RAD51B: variants seen among roughly 807,000 people sequenced by gnomAD.
RAD51B encodes the protein RAD51 paralog B.
In RAD51B, 38 loss-of-function variants were observed where a neutral mutation model predicts 42.2. The observed-to-expected ratio is 0.90, with a 90% CI of 0.70 to 1.18. RAD51B has a LOEUF of 1.18. RAD51B is among the 50% of genes most tolerant of loss of function. The pLI is 0.00. For missense variants in RAD51B, 373 were observed against 400.7 expected (o/e 0.93, Z 0.59); for synonymous variants, 154 against 145.2 (o/e 1.06, Z -0.43).
intron 8 of RAD51B, among the ~76,000 whole-genome samples, chr14:68,330,576 G>A (rs1259906063): frequency 6.6e-6 from 1 of 152,132 alleles, no homozygotes; most frequent in Non-Finnish European, 1.5e-5. Context: ...AAGGTAAGAT[G>A]AGGAAACACT....
rs1028854997 is a variant in RAD51B at position 68,324,520 on chromosome 14, C to T, written c.853+32540C>T. ...AGGACTGGCCGGGGCTCAGTCTGCACGTGCTCTGGCTTTCAAGTGGCATCT... is the reference window on the plus strand; with the variant it reads ...AGGACTGGCCGGGGCTCAGTCTGCATGTGCTCTGGCTTTCAAGTGGCATCT... On this transcript the variant is annotated intron_variant, in intron 8 of 10. Coordinates refer to ENST00000471583, the MANE Select transcript of RAD51B (RefSeq NM_133510.4). Among the ~76,000 whole-genome samples, 5 of 152,210 alleles carry T rather than the reference C, an allele frequency of 3.3e-5. No homozygotes were observed. In the East Asian group the frequency reaches 5.8e-4, roughly 18 times the overall value.
At chr14:68,568,299 G>A (rs1687880325) in intron 10 of RAD51B, among the ~76,000 whole-genome samples, 1 of 152,252 alleles carries the variant, frequency 6.6e-6, no homozygotes, top group Non-Finnish European at 1.5e-5. Context: ...TGCCAGGTAG[G>A]TGAGTGGGTG....
intron 7 of RAD51B, among the ~76,000 whole-genome samples, chr14:68,277,772 T>C (rs1292998983): frequency 6.6e-6 from 1 of 152,162 alleles, no homozygotes. Flanking sequence ...AGAGTCTCGC[T>C]TTGTCATCCA....
At chr14:68,292,361 A>G (rs1382895726) in intron 8 of RAD51B, among the ~76,000 whole-genome samples, 2 of 152,322 alleles carry the variant, frequency 1.3e-5, no homozygotes, top group African/African-American at 4.8e-5. Context: ...TAAAAAGCGT[A>G]CATCAGTTTC....
At chr14:68,077,046 T>C (rs1479859198) in intron 7 of RAD51B, among the ~76,000 whole-genome samples, 1 of 152,184 alleles carries the variant, frequency 6.6e-6, no homozygotes, top group Non-Finnish European at 1.5e-5. Flanking sequence ...CTACCCTTGA[T>C]TCAATCATCT....
In RAD51B at chr14:68,245,176, TA is replaced by T. The variant is rs368787259; in HGVS notation, c.757-46706del. Among the ~76,000 whole-genome samples, 707 of 152,300 alleles carry T rather than the reference TA, an allele frequency of 4.6e-3. 4 individuals carry two copies. The highest frequency in any genetic ancestry group is 0.016 in the African/African-American group (671 of 41,558). On this transcript the variant is annotated intron_variant, in intron 7 of 10. Transcript: ENST00000471583. ...GAGGAGGCCCAGCCAGGGTGGGGTC[TA>T]ACAAATTGGGGTGGGTATAAATTTA...
chr14:67,833,218 A>G (rs2041115385), intron 3 of RAD51B, among the ~76,000 whole-genome samples: 1 of 152,144 alleles, frequency 6.6e-6, no homozygotes, highest in African/African-American at 2.4e-5. Context: ...TCTACTAAAA[A>G]TACAAAAATT....
intron 7 of RAD51B, among the ~76,000 whole-genome samples, chr14:68,034,997 C>A (rs72725170): frequency 0.17 from 26,352 of 152,004 alleles, 2,457 homozygotes; most frequent in Middle Eastern, 0.35. Context: ...TAAATATATA[C>A]CAGATGTGTA....
intron 7 of RAD51B, among the ~76,000 whole-genome samples, chr14:68,192,399 A>G (rs1392283735): frequency 1.3e-5 from 2 of 152,212 alleles, no homozygotes; most frequent in Admixed American, 6.5e-5. Context: ...ATTAAATAGT[A>G]TATGTTGGCT....
chr14:67,887,012 C>T lies in RAD51B; in HGVS notation c.573-9C>T. ...TTTATTGACTATTTTATAAATTCTT[C>T]TTTTATAGGATTGAATCTTTGGAAG... On this transcript the variant is annotated splice_polypyrimidine_tract_variant and intron_variant, in intron 6 of 10. Coordinates refer to ENST00000471583, the MANE Select transcript of RAD51B (RefSeq NM_133510.4). The T allele has an allele frequency of 7.0e-6, 10 of 1,426,784 alleles. No individual in the cohort carries two copies. The highest frequency in any genetic ancestry group is 2.8e-5 in the South Asian group (2 of 72,606). The allele number at this position is 1,426,784 out of a possible 1,614,324, so 88.4% of individuals were successfully genotyped here.
At position 67,986,191 on chromosome 14, in the gene RAD51B, C is replaced by T. The variant is rs1028563877; in HGVS notation, c.756+98987C>T. ...TTGGTAATTTTTATTCCCCACACTT[C>T]TATGCACGTATGATACTTAGCCTAT... On this transcript the variant is annotated intron_variant, in intron 7 of 10. Coordinates refer to ENST00000471583, the MANE Select transcript of RAD51B (RefSeq NM_133510.4). Among the ~76,000 whole-genome samples, 24 of 152,212 alleles carry T rather than the reference C, an allele frequency of 1.6e-4. 1 individual carries two copies. The highest frequency in any genetic ancestry group is 5.1e-4 in the African/African-American group (21 of 41,450).
chr14:68,225,678 A>G (rs1338502516), intron 7 of RAD51B, among the ~76,000 whole-genome samples: 4 of 152,228 alleles, frequency 2.6e-5, no homozygotes, highest in Non-Finnish European at 5.9e-5. Flanking sequence ...TTGGGAAAGA[A>G]CTATGAAGGA....
chr14:68,003,082 A>C (rs1440782694), intron 7 of RAD51B, among the ~76,000 whole-genome samples: 3 of 152,156 alleles, frequency 2.0e-5, no homozygotes, highest in African/African-American at 7.2e-5. Flanking sequence ...ATGGTAGTTT[A>C]ACGGGAACAG....
At chr14:68,434,676 G>A (rs911213953) in intron 9 of RAD51B, among the ~76,000 whole-genome samples, 1 of 152,162 alleles carries the variant, frequency 6.6e-6, no homozygotes, top group South Asian at 2.1e-4. Context: ...AGAATTCCCT[G>A]ACCCCTTGCA....
At chr14:67,838,342 C>T (rs1472306773) in intron 4 of RAD51B, among the ~76,000 whole-genome samples, 14 of 151,814 alleles carry the variant, frequency 9.2e-5, no homozygotes, top group Non-Finnish European at 1.5e-5. Context: ...GCTAGCAAAA[C>T]GATAAAGTAA....
At chr14:68,097,751 G>T (rs1325659021) in intron 7 of RAD51B, among the ~76,000 whole-genome samples, 1 of 152,130 alleles carries the variant, frequency 6.6e-6, no homozygotes, top group African/African-American at 2.4e-5. Flanking sequence ...TCTAATTCAT[G>T]TTCTACAAAG....
At chr14:68,292,462 C>G (rs745534340) in intron 8 of RAD51B, among the ~76,000 whole-genome samples, 1 of 152,184 alleles carries the variant, frequency 6.6e-6, no homozygotes, top group Non-Finnish European at 1.5e-5. Flanking sequence ...TTTCTCCACC[C>G]TCCCCTGCTA....
intron 7 of RAD51B, among the ~76,000 whole-genome samples, chr14:68,091,701 A>C (rs1179127943): frequency 6.6e-6 from 1 of 152,112 alleles, no homozygotes; most frequent in Non-Finnish European, 1.5e-5. Context: ...TCTTTAGTTT[A>C]ATTAGATCCC....
rs541724777 is a variant in RAD51B at position 68,339,229 on chromosome 14, T to C, written c.853+47249T>C. On this transcript the variant is annotated intron_variant, in intron 8 of 10. Transcript: ENST00000471583. ...TCTTGCTTTGTCTCTGGCCTGTACT[T>C]GTGGGCCAGCTTAAGCAGCTGAGTA... is the stretch of plus-strand genomic sequence containing the variant. 1.6e-5 allele frequency: 19 copies of C among 1,156,324 alleles called. No individual in the cohort carries two copies. The African/African-American group carries it at 2.4e-4, about 15-fold the overall frequency. 71.6% of individuals were successfully genotyped at this position (1,156,324 alleles called of 1,614,324 possible).
Sources: gnomAD v4.1 joint callset for allele counts (sites outside exome capture counted in the v4.1 genomes callset) on GRCh38, gnomAD v4.1.1 for gene constraint, MANE v1.5 for transcripts, NCBI Gene and HGNC (gene_info 2026-07-23, HGNC 2026-07-21) for gene names.